Variants in BAIAP2L1 observed in about 807,000 individuals in gnomAD.
The protein encoded by BAIAP2L1 is BAR/IMD domain containing adaptor protein 2 like 1, also known as BAR/IMD domain-containing adapter protein 2-like 1.
In BAIAP2L1, 35 loss-of-function variants were observed where a neutral mutation model predicts 66.3. The ratio of observed to expected loss-of-function variants is 0.53; its 90% confidence interval spans 0.40 to 0.70. The LOEUF (loss-of-function observed/expected upper bound fraction) is 0.70. Among genes scored for constraint, BAIAP2L1 ranks in the 30% least tolerant of loss-of-function variants. BAIAP2L1 has a pLI of 0.00. For synonymous variants in BAIAP2L1, 269 were observed against 248.7 expected (o/e 1.08, Z -0.77); for missense variants, 622 against 656.9 (o/e 0.95, Z 0.58).
chr7:98,378,103 T>G (rs1802675537), intron 1 of BAIAP2L1, among the ~76,000 whole-genome samples: 2 of 151,976 alleles, frequency 1.3e-5, no homozygotes, highest in Admixed American at 1.3e-4. Flanking sequence ...GAGCTGGGAT[T>G]GTGCCATTGC....
At chr7:98,353,475 A>C (rs1264533960) in intron 3 of BAIAP2L1, among the ~76,000 whole-genome samples, 1 of 136,120 alleles carries the variant, frequency 7.3e-6, no homozygotes, top group Non-Finnish European at 1.5e-5. Flanking sequence ...ATAAATATAC[A>C]TATTTACATT....
At chr7:98,364,119 C>G (rs1199479241) in intron 1 of BAIAP2L1, among the ~76,000 whole-genome samples, 4 of 152,042 alleles carry the variant, frequency 2.6e-5, no homozygotes, top group Admixed American at 1.3e-4. Flanking sequence ...CTCACTCTTC[C>G]TTTCCAATGG....
chr7:98,368,279 C>T (rs539449197), intron 1 of BAIAP2L1, among the ~76,000 whole-genome samples: 13 of 152,018 alleles, frequency 8.6e-5, no homozygotes, highest in Middle Eastern at 6.8e-3. Flanking sequence ...AATTAGCGGG[C>T]GTGGTGGCGT....
At chr7:98,369,992 A>C (rs1802473414) in intron 1 of BAIAP2L1, among the ~76,000 whole-genome samples, 1 of 152,094 alleles carries the variant, frequency 6.6e-6, no homozygotes, top group Non-Finnish European at 1.5e-5. Context: ...TATAATTCTT[A>C]AAATGTTCAC....
At chr7:98,363,141 TCTC>T (rs1301363674) in intron 1 of BAIAP2L1, among the ~76,000 whole-genome samples, 1 of 150,250 alleles carries the variant, frequency 6.7e-6, no homozygotes, top group Admixed American at 6.7e-5. Context: ...TTCAAGCAAT[TCTC>T]CTGCCCCTGC....
chr7:98,383,533 C>T (rs1276062953), intron 1 of BAIAP2L1, among the ~76,000 whole-genome samples: 1 of 151,944 alleles, frequency 6.6e-6, no homozygotes, highest in African/African-American at 2.4e-5. Flanking sequence ...GTGATCCACC[C>T]ACCTCGGCCT....
intron 5 of BAIAP2L1, 66 bp from the exon 6 acceptor site, chr7:98,317,422 T>A: frequency 6.3e-7 from 1 of 1,585,924 alleles, no homozygotes; most frequent in South Asian, 1.1e-5. Context: ...AGTTTGCCTT[T>A]ACTCACACTT....
chr7:98,375,393 TA>T (rs35258578), intron 1 of BAIAP2L1, among the ~76,000 whole-genome samples: 416 of 136,120 alleles, frequency 3.1e-3, no homozygotes, highest in Middle Eastern at 4.1e-3. Context: ...CACTCCATCT[TA>T]AAAAAAAAAA....
At chr7:98,321,029 T>G (rs998282499) in intron 3 of BAIAP2L1, among the ~76,000 whole-genome samples, 3 of 152,072 alleles carry the variant, frequency 2.0e-5, no homozygotes, top group Non-Finnish European at 4.4e-5. Context: ...GCTATTTTTT[T>G]GGGACATTTT....
intron 9 of BAIAP2L1, chr7:98,309,522 G>A (rs148900650): frequency 1.3e-5 from 2 of 152,210 alleles, no homozygotes; most frequent in African/African-American, 2.4e-5. Flanking sequence ...GGGATGCACA[G>A]AGTATTACAT....
intron 1 of BAIAP2L1, chr7:98,385,733 TTTTG>T (rs370029923): frequency 1.0e-5 from 13 of 1,278,260 alleles, no homozygotes; most frequent in African/African-American, 6.2e-5. Flanking sequence ...CATTTCTTTT[TTTTG>T]TTGTTTTTTT....
chr7:98,318,422 G>T (rs1801143761), intron 5 of BAIAP2L1, among the ~76,000 whole-genome samples: 1 of 151,832 alleles, frequency 6.6e-6, no homozygotes, highest in Non-Finnish European at 1.5e-5. Flanking sequence ...TCCAGTAGCT[G>T]GGATTACAGG....
At chr7:98,369,207 C>T (rs551677183) in intron 1 of BAIAP2L1, among the ~76,000 whole-genome samples, 4 of 152,144 alleles carry the variant, frequency 2.6e-5, no homozygotes, top group Admixed American at 6.5e-5. Context: ...ACAGGCCATG[C>T]GTGGTGACTC....
At chr7:98,328,118 T>C (rs764058363) in intron 3 of BAIAP2L1, among the ~76,000 whole-genome samples, 10 of 152,122 alleles carry the variant, frequency 6.6e-5, no homozygotes, top group Non-Finnish European at 8.8e-5. Context: ...ACATTGATTT[T>C]TTTCATACTA....
chr7:98,353,068 G>A (rs1275841219), intron 3 of BAIAP2L1, among the ~76,000 whole-genome samples: 2 of 151,760 alleles, frequency 1.3e-5, no homozygotes, highest in Non-Finnish European at 2.9e-5. Flanking sequence ...GGCAGCCTCC[G>A]TATTTTATTA....
intron 12 of BAIAP2L1, among the ~76,000 whole-genome samples, chr7:98,300,889 C>T (rs553375473): frequency 2.0e-5 from 3 of 152,302 alleles, no homozygotes; most frequent in South Asian, 4.1e-4. Context: ...TGCCGAAGCT[C>T]GTGCCTCAGA....
At chr7:98,386,674 T>C in intron 1 of BAIAP2L1, 1 of 637,664 alleles carries the variant, frequency 1.6e-6, no homozygotes, top group South Asian at 1.8e-5. Flanking sequence ...ACTTCTCTCC[T>C]ATATTCAACT....
At chr7:98,355,801 C>T (rs1349095864) in intron 2 of BAIAP2L1, among the ~76,000 whole-genome samples, 1 of 152,166 alleles carries the variant, frequency 6.6e-6, no homozygotes, top group Non-Finnish European at 1.5e-5. Context: ...TCTTCTCCAG[C>T]ACTCCAGGTC....
At chr7:98,358,282 T>C (rs1419270643) in intron 2 of BAIAP2L1, among the ~76,000 whole-genome samples, 2 of 151,416 alleles carry the variant, frequency 1.3e-5, no homozygotes, top group Non-Finnish European at 2.9e-5. Flanking sequence ...ACTTTCATAA[T>C]TTTGCCTCCC....
Sources: allele counts gnomAD v4.1 joint callset (sites outside exome capture counted in the v4.1 genomes callset), GRCh38; gene constraint gnomAD v4.1.1; transcripts MANE v1.5; gene names NCBI Gene and HGNC (gene_info 2026-07-23, HGNC 2026-07-21).